Variants in SEMA3E observed in about 807,000 individuals in gnomAD.
The protein encoded by SEMA3E is semaphorin-3E.
In SEMA3E, 49 loss-of-function variants were observed where a neutral mutation model predicts 93.6. That is an observed-to-expected ratio of 0.52 (90% CI 0.42 to 0.66). The LOEUF is 0.66. Among genes scored for constraint, SEMA3E ranks in the 30% least tolerant of loss-of-function variants. The probability of loss-of-function intolerance (pLI) is 0.00; values close to 1 mark genes in which losing one functional copy is unlikely to be tolerated. For synonymous variants in SEMA3E, 363 were observed against 330.7 expected (o/e 1.10, Z -1.06); for missense variants, 906 against 964.8 (o/e 0.94, Z 0.81).
intron 1 of SEMA3E, among the ~76,000 whole-genome samples, chr7:83,585,166 T>A (rs552961409): frequency 1.3e-5 from 2 of 152,300 alleles, no homozygotes; most frequent in East Asian, 3.9e-4. Flanking sequence ...TGCTTCTACC[T>A]CTGCAACAGT....
chr7:83,643,352 T>A (rs1466890691), intron 1 of SEMA3E, among the ~76,000 whole-genome samples: 3 of 152,054 alleles, frequency 2.0e-5, no homozygotes, highest in Non-Finnish European at 4.4e-5. Context: ...ATATTATGTA[T>A]AGAATACTTC....
chr7:83,373,714 A>G (rs905171528), intron 16 of SEMA3E, among the ~76,000 whole-genome samples: 4 of 152,182 alleles, frequency 2.6e-5, no homozygotes, highest in Non-Finnish European at 5.9e-5. Context: ...CATACACGAT[A>G]TCAAAGGAGA....
intron 4 of SEMA3E, among the ~76,000 whole-genome samples, chr7:83,437,837 A>G (rs910780346): frequency 6.6e-6 from 1 of 152,138 alleles, no homozygotes; most frequent in Non-Finnish European, 1.5e-5. Flanking sequence ...AAACTATTAA[A>G]ACTATTAGGA....
In SEMA3E at chr7:83,632,418, G is replaced by A. The variant is rs117687569; in HGVS notation, c.115+16010C>T. On this transcript the variant is annotated intron_variant, in intron 1 of 16. Transcript: ENST00000643230. ...CCACGGGTTGTGGGAGGGACCCAGT[G>A]GGAGGTAATTGAATCATGGGGGCAG... Among the ~76,000 whole-genome samples the A allele has an allele frequency of 8.4e-3, 1,273 of 152,202 alleles. 7 individuals carry two copies. Among genetic ancestry groups the A allele is most frequent in the Non-Finnish European group, 0.012 (848 of 68,002 alleles).
Position 83,648,625 on chromosome 7 carries a change from C to T in SEMA3E, c.-83G>A. On this transcript the variant is annotated 5_prime_UTR_variant, in exon 1 of 17. Coordinates refer to ENST00000643230, the MANE Select transcript of SEMA3E (RefSeq NM_012431.3). ...ACTTAGGACTTCCCTCCAGGGGCAG[C>T]GTGCGAGAGGCTTTGTCAGAAATCG... The T allele has an allele frequency of 5.1e-6, 5 of 983,692 alleles. No homozygotes were observed. Among genetic ancestry groups the T allele is most frequent in the Non-Finnish European group, 8.0e-6 (5 of 624,814 alleles). 60.9% of individuals were successfully genotyped at this position (983,692 alleles called of 1,614,324 possible).
chr7:83,426,307 A>G (rs2115725782), intron 4 of SEMA3E, among the ~76,000 whole-genome samples: 1 of 152,342 alleles, frequency 6.6e-6, no homozygotes, highest in Non-Finnish European at 1.5e-5. Flanking sequence ...TCACCATAGC[A>G]AAGACATGGA....
rs921279791 is a variant in SEMA3E at position 83,364,052 on chromosome 7, G to A, written c.*3534C>T. ...TGGGACTACAGGCGCCCGCCACCGC[G>A]CCCGGCTAATTTTTTGTATTTTTAG... is the stretch of plus-strand genomic sequence containing the variant. On this transcript the variant is annotated 3_prime_UTR_variant, in exon 17 of 17. Coordinates refer to ENST00000643230, the MANE Select transcript of SEMA3E (RefSeq NM_012431.3). The A allele has an allele frequency of 5.3e-5, 8 of 150,366 alleles. No homozygotes were observed. Among genetic ancestry groups the A allele is most frequent in the Admixed American group, 3.3e-4 (5 of 15,048 alleles). 9.3% of individuals were successfully genotyped at this position (150,366 alleles called of 1,614,324 possible). A position where few individuals can be genotyped will look rare whatever the true frequency, so the allele number is the denominator to read the frequency against.
At chr7:83,607,328 G>A (rs1450419521) in intron 1 of SEMA3E, among the ~76,000 whole-genome samples, 5 of 152,170 alleles carry the variant, frequency 3.3e-5, no homozygotes, top group African/African-American at 1.2e-4. Context: ...CGTGTTATCA[G>A]CCTAACTAAA....
At chr7:83,429,587 A>G (rs1788841274) in intron 4 of SEMA3E, among the ~76,000 whole-genome samples, 1 of 152,184 alleles carries the variant, frequency 6.6e-6, no homozygotes, top group Admixed American at 6.5e-5. Context: ...TGATCATGCC[A>G]GCCTCCTTTT....
intron 1 of SEMA3E, among the ~76,000 whole-genome samples, chr7:83,578,583 G>A (rs962862988): frequency 6.6e-6 from 1 of 151,938 alleles, no homozygotes; most frequent in Non-Finnish European, 1.5e-5. Context: ...CCGTAATTTG[G>A]TCTATTAAAA....
chr7:83,557,026 T>C lies in SEMA3E; in HGVS notation c.116-66752A>G, dbSNP rs568076578. On this transcript the variant is annotated intron_variant, in intron 1 of 16. Transcript: ENST00000643230. ...CCTCCAGAACTAAGAAACAAATTCATGTTCTTTATAAATTACCCAGTCTCA... is the reference window on the plus strand; with the variant it reads ...CCTCCAGAACTAAGAAACAAATTCACGTTCTTTATAAATTACCCAGTCTCA... 1.9e-4 allele frequency among the ~76,000 whole-genome samples: 29 copies of C among 152,316 alleles called. No homozygotes were observed. In the South Asian group the frequency reaches 5.8e-3, roughly 30 times the overall value.
chr7:83,467,621 A>G (rs1454871070), intron 3 of SEMA3E, among the ~76,000 whole-genome samples: 3 of 152,224 alleles, frequency 2.0e-5, no homozygotes, highest in Non-Finnish European at 2.9e-5. Context: ...CTTTGCAGCT[A>G]TAGCATGAAA....
At chr7:83,492,127 A>C (rs1374824178) in intron 1 of SEMA3E, among the ~76,000 whole-genome samples, 1 of 152,052 alleles carries the variant, frequency 6.6e-6, no homozygotes, top group Non-Finnish European at 1.5e-5. Flanking sequence ...CAACTGATGA[A>C]AGGATGGTTA....
intron 1 of SEMA3E, among the ~76,000 whole-genome samples, chr7:83,591,459 T>C (rs1379236359): frequency 1.3e-5 from 2 of 151,730 alleles, no homozygotes; most frequent in African/African-American, 4.8e-5. Context: ...ATAAATATAT[T>C]TACCATAGAT....
intron 2 of SEMA3E, among the ~76,000 whole-genome samples, chr7:83,476,177 C>G (rs1455933121): frequency 1.3e-5 from 2 of 152,198 alleles, no homozygotes; most frequent in African/African-American, 4.8e-5. Context: ...TGGCTTGTAT[C>G]AGTCAATATG....
At chr7:83,405,570 A>G in intron 8 of SEMA3E, 51 bp from the exon 9 acceptor site, 1 of 1,488,026 alleles carries the variant, frequency 6.7e-7, no homozygotes, top group Non-Finnish European at 9.4e-7. Flanking sequence ...CTCTCTTTGC[A>G]TGCAAAGAAA....
intron 1 of SEMA3E, among the ~76,000 whole-genome samples, chr7:83,610,810 C>T (rs1314628073): frequency 6.6e-6 from 1 of 152,082 alleles, no homozygotes; most frequent in East Asian, 1.9e-4. Context: ...TCAGAAGACA[C>T]TAACCCTGCT....
intron 2 of SEMA3E, among the ~76,000 whole-genome samples, chr7:83,478,890 A>T (rs1021095342): frequency 6.6e-6 from 1 of 152,216 alleles, no homozygotes; most frequent in African/African-American, 2.4e-5. Flanking sequence ...CCTGGTTTTA[A>T]ATTCTAACTG....
intron 4 of SEMA3E, among the ~76,000 whole-genome samples, chr7:83,432,795 A>G (rs1023236487): frequency 1.3e-5 from 2 of 152,202 alleles, no homozygotes; most frequent in Non-Finnish European, 2.9e-5. Flanking sequence ...AGATAAATGC[A>G]TAAGTCTTTA....
Sources: allele counts gnomAD v4.1 joint callset (sites outside exome capture counted in the v4.1 genomes callset), GRCh38; gene constraint gnomAD v4.1.1; transcripts MANE v1.5; gene names NCBI Gene and HGNC (gene_info 2026-07-23, HGNC 2026-07-21).